PRUNE2: variants seen among roughly 807,000 people sequenced by gnomAD.
PRUNE2 encodes the protein protein prune homolog 2.
In PRUNE2, 164 loss-of-function variants were observed where a neutral mutation model predicts 252.0. The observed-to-expected ratio is 0.65, with a 90% confidence interval of 0.57 to 0.74. The LOEUF (loss-of-function observed/expected upper bound fraction) is 0.74. PRUNE2 is among the 30% of genes least tolerant of loss of function. PRUNE2 has a pLI of 0.00. For synonymous variants in PRUNE2, 1,292 were observed against 1,350.2 expected, an observed-to-expected ratio of 0.96 and a Z score of 0.94; for missense variants, 3,495 against 3,711.0, an observed-to-expected ratio of 0.94 and a Z score of 1.51.
chr9:76,642,905 G>C (rs76935678), intron 12 of PRUNE2, among the ~76,000 whole-genome samples: 8,926 of 152,290 alleles, frequency 0.059, 368 homozygotes, highest in Middle Eastern at 0.095. Context: ...GCCAAGGCAG[G>C]GCTGGGGAGA....
chr9:76,737,951 T>G (rs1199967707), intron 6 of PRUNE2: 1 of 152,240 alleles, frequency 6.6e-6, no homozygotes, highest in Non-Finnish European at 1.5e-5. Flanking sequence ...AAGCAGTGAT[T>G]AAAACATACA....
chr9:76,820,410 A>G (rs2057970877), intron 6 of PRUNE2, among the ~76,000 whole-genome samples: 1 of 152,184 alleles, frequency 6.6e-6, no homozygotes, highest in African/African-American at 2.4e-5. Flanking sequence ...TATTGAAGGC[A>G]GTGGTTTCTA....
chr9:76,758,171 G>A lies in PRUNE2; in HGVS notation c.757-44450C>T, dbSNP rs752850891. Among the ~76,000 whole-genome samples, 18 of 152,260 alleles carry A rather than the reference G, an allele frequency of 1.2e-4. 1 individual carries two copies. The South Asian group carries it at 1.9e-3, about 16-fold the overall frequency. ...AAATAACTAAACTTCCAAAAGCAGCGTTTTGTAAGCTTATAGTATTTCTAT... is the reference window on the plus strand; with the variant it reads ...AAATAACTAAACTTCCAAAAGCAGCATTTTGTAAGCTTATAGTATTTCTAT... On this transcript the variant is annotated intron_variant, in intron 6 of 18. Coordinates refer to ENST00000376718, the MANE Select transcript of PRUNE2 (RefSeq NM_015225.3).
intron 4 of PRUNE2, among the ~76,000 whole-genome samples, chr9:76,839,067 TG>T (rs1389464491): frequency 3.9e-4 from 59 of 152,312 alleles, no homozygotes; most frequent in African/African-American, 1.3e-3. Context: ...GGAGTTTGTT[TG>T]TTTTTTTTTA....
chr9:76,726,083 C>A (rs1019515011), intron 6 of PRUNE2, among the ~76,000 whole-genome samples: 3 of 151,884 alleles, frequency 2.0e-5, no homozygotes, highest in Non-Finnish European at 4.4e-5. Context: ...CAACTGGCAT[C>A]CTCTACACGG....
intron 1 of PRUNE2, among the ~76,000 whole-genome samples, chr9:76,866,653 G>C (rs187242461): frequency 4.7e-4 from 72 of 152,082 alleles, no homozygotes; most frequent in African/African-American, 1.7e-3. Flanking sequence ...CTCTGCTGAC[G>C]TATGTTTGAA....
Position 76,906,070 on chromosome 9 carries a change from C to A in PRUNE2, c.-107G>T. The A allele has an allele frequency of 1.7e-6, 2 of 1,190,862 alleles. No individual in the cohort carries two copies. The highest frequency in any genetic ancestry group is 2.5e-6 in the Non-Finnish European group (2 of 802,926). 73.8% of individuals were successfully genotyped at this position (1,190,862 alleles called of 1,614,324 possible). ...GGGAAAGTGGCCCGCCGGGGCGCAG[C>A]GACCGACTGCTCCCTCCTGCCGCTC... On this transcript the variant is annotated 5_prime_UTR_variant, in exon 1 of 19. Coordinates refer to ENST00000376718, the MANE Select transcript of PRUNE2 (RefSeq NM_015225.3).
rs370217139 is a variant in PRUNE2 at position 76,705,648 on chromosome 9, C to G, written c.6626G>C (p.Gly2209Ala). The G allele has an allele frequency of 2.0e-4, 328 of 1,613,904 alleles. No homozygotes were observed. Among genetic ancestry groups the G allele is most frequent in the Non-Finnish European group, 2.4e-4 (278 of 1,179,904 alleles). The change falls in exon 8 of 19, where the codon GGA (glycine) becomes GCA (alanine). Residue 2209 changes from glycine (G) to alanine (A), a missense_variant. Physicochemically the swap from Gly to Ala is moderately conservative, Grantham distance 60 (BLOSUM62 0). Coordinates refer to ENST00000376718, the MANE Select transcript of PRUNE2 (RefSeq NM_015225.3). ...AATTGGTGCCATATCTGGGCTGGCT[C>G]CTTTTTCTGATACTTGTAAACCTGT... ...NSTGLQVSEKGASPDMAPILE... is the reference protein window; with the variant it reads ...NSTGLQVSEKAASPDMAPILE...
At chr9:76,883,717 C>T (rs1030903328) in intron 1 of PRUNE2, among the ~76,000 whole-genome samples, 1 of 152,298 alleles carries the variant, frequency 6.6e-6, no homozygotes, top group South Asian at 2.1e-4. Flanking sequence ...CAGGAAAATG[C>T]ATCATCTTCT....
chr9:76,838,251 T>TAGAC (rs1402827979), intron 4 of PRUNE2, among the ~76,000 whole-genome samples: 1 of 151,460 alleles, frequency 6.6e-6, no homozygotes, highest in Non-Finnish European at 1.5e-5. Context: ...ATAAAATAGA[T>TAGAC]AGATAAACCT....
At chr9:76,655,819 T>G (rs1848990950) in intron 9 of PRUNE2, among the ~76,000 whole-genome samples, 1 of 152,182 alleles carries the variant, frequency 6.6e-6, no homozygotes, top group African/African-American at 2.4e-5. Context: ...ACATTTAATA[T>G]ATATATATTT....
At chr9:76,718,820 G>A (rs1043608243) in intron 6 of PRUNE2, among the ~76,000 whole-genome samples, 1 of 151,972 alleles carries the variant, frequency 6.6e-6, no homozygotes. Context: ...ATGGCCCACC[G>A]CCTCCTCAGT....
intron 6 of PRUNE2, among the ~76,000 whole-genome samples, chr9:76,760,754 C>T (rs943942308): frequency 6.6e-6 from 1 of 152,142 alleles, no homozygotes; most frequent in African/African-American, 2.4e-5. Flanking sequence ...TCTCTACATG[C>T]ATCTTAGATT....
chr9:76,903,470 T>C (rs563162895), intron 1 of PRUNE2, among the ~76,000 whole-genome samples: 1 of 152,284 alleles, frequency 6.6e-6, no homozygotes, highest in African/African-American at 2.4e-5. Context: ...AAAACATAGC[T>C]CCTACATTCT....
chr9:76,753,193 C>T lies in PRUNE2; in HGVS notation c.757-39472G>A, dbSNP rs750346600. ...CACAGGCAAGAGCTACCATGCCTGG[C>T]TAATTTTTGTATTTTTTGTGGAAAT... On this transcript the variant is annotated intron_variant, in intron 6 of 18. Coordinates refer to ENST00000376718, the MANE Select transcript of PRUNE2 (RefSeq NM_015225.3). Among the ~76,000 whole-genome samples, 3 of 151,902 alleles carry T rather than the reference C, an allele frequency of 2.0e-5. No individual in the cohort carries two copies. In the South Asian group the frequency reaches 6.2e-4, roughly 31 times the overall value.
At chr9:76,740,688 T>C (rs1446214893) in intron 6 of PRUNE2, among the ~76,000 whole-genome samples, 1 of 152,176 alleles carries the variant, frequency 6.6e-6, no homozygotes. Flanking sequence ...GAACCCTTTA[T>C]ATTTAATTAA....
chr9:76,709,789 T>C lies in PRUNE2; in HGVS notation c.2485A>G (p.Arg829Gly). ...GCCATGGCCCACTCATTCGGGTCCC[T>C]AACAGAAGGTGTCTTGCTGCTTGTT... is the stretch of plus-strand genomic sequence containing the variant. Reference protein sequence around the residue: ...HPTSSKTPSVRDPNEWAMAKS... With the variant: ...HPTSSKTPSVGDPNEWAMAKS... Residue 829 changes from arginine (R) to glycine (G), a missense_variant, in exon 8 of 19, where the codon AGG (arginine) becomes GGG (glycine). Physicochemically the swap from Arg to Gly is moderately radical, Grantham distance 125. Coordinates refer to ENST00000376718, the MANE Select transcript of PRUNE2 (RefSeq NM_015225.3). 6.2e-7 allele frequency: 1 copy of C among 1,614,014 alleles called. No homozygotes were observed.
chr9:76,683,492 C>T (rs1342801716), intron 9 of PRUNE2, among the ~76,000 whole-genome samples: 1 of 152,134 alleles, frequency 6.6e-6, no homozygotes, highest in Non-Finnish European at 1.5e-5. Flanking sequence ...TCTTTTTAAC[C>T]TAAGCAGGGT....
chr9:76,715,068 A>G (rs2047029384), intron 6 of PRUNE2, among the ~76,000 whole-genome samples: 1 of 152,242 alleles, frequency 6.6e-6, no homozygotes, highest in South Asian at 2.1e-4. Flanking sequence ...TATGCCTGTC[A>G]TGGGTAAGAT....
Sources: allele counts gnomAD v4.1 joint callset (sites outside exome capture counted in the v4.1 genomes callset), GRCh38; gene constraint gnomAD v4.1.1; transcripts MANE v1.5; gene names NCBI Gene and HGNC (gene_info 2026-07-23, HGNC 2026-07-21).